NUP62CL: variants seen among roughly 807,000 people sequenced by gnomAD.
The protein encoded by NUP62CL is nucleoporin-62 C-terminal-like protein.
NUP62CL carries 13 observed loss-of-function variants against 15.3 expected under a neutral mutation model. The ratio of observed to expected loss-of-function variants is 0.85; its 90% CI spans 0.55 to 1.35. The LOEUF is 1.35. Among genes scored for constraint, NUP62CL ranks in the 40% most tolerant of loss-of-function variants. The probability of loss-of-function intolerance (pLI) is 0.00; values close to 1 mark genes in which losing one functional copy is unlikely to be tolerated. For synonymous variants in NUP62CL, 54 were observed against 49.2 expected (o/e 1.10, Z -0.41); for missense variants, 123 against 130.6 (o/e 0.94, Z 0.28).
intron 1 of NUP62CL, among the ~76,000 whole-genome samples, chrX:107,201,913 G>A (rs1927496058): frequency 9.0e-6 from 1 of 111,030 alleles, no homozygotes; most frequent in Admixed American, 9.6e-5. Context: ...ACTCCAGCCT[G>A]GGCAGCAGAG....
At chrX:107,167,625 A>T (rs745957676) in intron 4 of NUP62CL, 24 bp downstream of exon 4, 2 of 1,069,208 alleles carry the variant, frequency 1.9e-6, no homozygotes, top group South Asian at 4.3e-5. Context: ...AAACACATGC[A>T]AGTTTTTAAA....
chrX:107,180,201 G>A (rs1926883494), intron 2 of NUP62CL, among the ~76,000 whole-genome samples: 1 of 111,933 alleles, frequency 8.9e-6, no homozygotes, highest in Non-Finnish European at 1.9e-5. Context: ...TCCAAATGGG[G>A]GGATAAATTG....
intron 2 of NUP62CL, among the ~76,000 whole-genome samples, chrX:107,187,811 T>C (rs1927105643): frequency 8.9e-6 from 1 of 112,613 alleles, no homozygotes; most frequent in South Asian, 3.7e-4. Context: ...TATCATGACA[T>C]ACCTAGCAGA....
chrX:107,141,500 G>A (rs979751296), intron 8 of NUP62CL, among the ~76,000 whole-genome samples: 8 of 111,680 alleles, frequency 7.2e-5, no homozygotes, highest in African/African-American at 2.0e-4. Flanking sequence ...GCAGAACAAG[G>A]GCATTCACTT....
intron 2 of NUP62CL, among the ~76,000 whole-genome samples, chrX:107,178,314 T>G (rs151170437): frequency 0.051 from 5,695 of 111,646 alleles, 197 homozygotes; most frequent in Non-Finnish European, 0.085. Flanking sequence ...TTTAAATGGC[T>G]GTACAGTATG....
intron 2 of NUP62CL, among the ~76,000 whole-genome samples, chrX:107,187,559 G>A (rs748035956): frequency 8.1e-5 from 9 of 111,532 alleles, no homozygotes; most frequent in East Asian, 2.8e-4. Context: ...CACCATGCCC[G>A]GCTGACTGTT....
chrX:107,186,473 C>T (rs1024777090), intron 2 of NUP62CL, among the ~76,000 whole-genome samples: 1 of 111,497 alleles, frequency 9.0e-6, no homozygotes, highest in African/African-American at 3.3e-5. Context: ...AACTATACTC[C>T]TCATGATGTT....
At chrX:107,152,974 AT>A (rs973895550) in intron 7 of NUP62CL, among the ~76,000 whole-genome samples, 197 bp downstream of exon 7, 2 of 112,218 alleles carry the variant, frequency 1.8e-5, no homozygotes, top group African/African-American at 6.5e-5. Flanking sequence ...TGCCAGAATG[AT>A]TTCCTCATTT....
Position 107,162,867 on chromosome X carries a change from G to A in NUP62CL, c.194+4782C>T, listed in dbSNP as rs540099181. 3.8e-4 allele frequency among the ~76,000 whole-genome samples: 42 copies of A among 111,064 alleles called. 1 individual carries two copies. The highest frequency in any genetic ancestry group is 1.0e-3 in the African/African-American group (32 of 30,583). ...CAGGCATTAGATTCTCATCAGGAGC[G>A]CACAACCTAGATCCCTTGCATGTGT... On this transcript the variant is annotated intron_variant, in intron 4 of 8. Coordinates refer to ENST00000372466, the MANE Select transcript of NUP62CL (RefSeq NM_017681.3).
chrX:107,169,809 A>AT lies in NUP62CL; in HGVS notation c.59-2026dup, dbSNP rs372787771. Among the ~76,000 whole-genome samples the AT allele has an allele frequency of 7.8e-4, 81 of 103,547 alleles. No individual in the cohort carries two copies. In the East Asian group the frequency reaches 8.9e-3, roughly 11 times the overall value. The allele number at this position is 103,547 out of a possible 115,157, so 89.9% of individuals were successfully genotyped here. A position where few individuals can be genotyped will look rare whatever the true frequency, so the allele number is the denominator to read the frequency against. On this transcript the variant is annotated intron_variant, in intron 3 of 8. Coordinates refer to ENST00000372466, the MANE Select transcript of NUP62CL (RefSeq NM_017681.3). ...ACTACTGCATTCAAGACAGAAAGAA[A>AT]TTTTTTTTTTAAAAAAATGAGCCCT...
rs770633864 is a variant in NUP62CL at position 107,175,100 on chromosome X, A to G, written c.47T>C (p.Ile16Thr). The G allele has an allele frequency of 8.3e-7, 1 of 1,204,803 alleles. No homozygotes were observed. Among genetic ancestry groups the G allele is most frequent in the Non-Finnish European group, 1.1e-6 (1 of 889,797 alleles). ...ISNSLTSTAA[I>T]GLSFTTSTTT... Reference sequence around the variant, plus strand: ...AATTAGTAACTTACATGAGAGCCCAATAGCAGCAGTGGAGGTCAAAGAATT... The same window carrying G: ...AATTAGTAACTTACATGAGAGCCCAGTAGCAGCAGTGGAGGTCAAAGAATT... Residue 16 changes from isoleucine to threonine, a missense_variant, in exon 3 of 9, where the codon ATT becomes ACT. By Grantham distance (89) the Ile-to-Thr change is moderately conservative (BLOSUM62 -1). Coordinates refer to ENST00000372466, the MANE Select transcript of NUP62CL (RefSeq NM_017681.3).
rs1229096376 is a variant in NUP62CL, at chrX:107,167,800, T to C, written c.59-16A>G. On this transcript the variant is annotated splice_polypyrimidine_tract_variant and intron_variant, in intron 3 of 8. Coordinates refer to ENST00000372466, the MANE Select transcript of NUP62CL (RefSeq NM_017681.3). ...GAAGTTGTAACTGGAAAATAAAGTGTATAATGTTAGTAAGAAATGAGAAAT... is the reference window on the plus strand; with the variant it reads ...GAAGTTGTAACTGGAAAATAAAGTGCATAATGTTAGTAAGAAATGAGAAAT... 3 of 1,177,449 alleles carry C rather than the reference T, an allele frequency of 2.5e-6. No homozygotes were observed. Among genetic ancestry groups the C allele is most frequent in the East Asian group, 3.0e-5 (1 of 33,399 alleles).
At chrX:107,186,499 A>T (rs1313994487) in intron 2 of NUP62CL, among the ~76,000 whole-genome samples, 4 of 111,885 alleles carry the variant, frequency 3.6e-5, no homozygotes, top group Non-Finnish European at 7.5e-5. Flanking sequence ...TTAGATCTCT[A>T]GACTTGTTCA....
intron 8 of NUP62CL, among the ~76,000 whole-genome samples, chrX:107,131,378 G>A (rs1045974389): frequency 1.8e-5 from 2 of 111,509 alleles, no homozygotes; most frequent in Non-Finnish European, 3.8e-5. Flanking sequence ...TGGGAGACCC[G>A]GGAGAATATG....
intron 2 of NUP62CL, among the ~76,000 whole-genome samples, chrX:107,189,882 A>AAAGG (rs1927179812): frequency 2.4e-5 from 1 of 40,905 alleles, no homozygotes; most frequent in Non-Finnish European, 5.0e-5. Flanking sequence ...GAAAGAAAAG[A>AAAGG]AAGAAAGAAA....
intron 8 of NUP62CL, among the ~76,000 whole-genome samples, chrX:107,137,205 CA>C (rs1376727265): frequency 9.0e-6 from 1 of 111,473 alleles, no homozygotes; most frequent in Non-Finnish European, 1.9e-5. Context: ...GTAAAACAAA[CA>C]AACAAACAAA....
At chrX:107,192,933 C>A (rs990314558) in intron 2 of NUP62CL, 96 bp downstream of exon 2, 1 of 111,380 alleles carries the variant, frequency 9.0e-6, no homozygotes, top group African/African-American at 3.3e-5. Context: ...GGGACAACAC[C>A]CTCAAATTTA....
At chrX:107,132,230 A>T (rs1372231349) in intron 8 of NUP62CL, 1 of 1,092,883 alleles carries the variant, frequency 9.2e-7, no homozygotes, top group African/African-American at 1.8e-5. Context: ...ATACCTTCTG[A>T]GAAAGTTCTG....
At chrX:107,132,524 C>T (rs1020542864) in intron 8 of NUP62CL, among the ~76,000 whole-genome samples, 3 of 111,580 alleles carry the variant, frequency 2.7e-5, no homozygotes, top group Non-Finnish European at 3.8e-5. Flanking sequence ...TTTGGGAGGC[C>T]GAGGTGGGAG....
Sources: gnomAD v4.1 joint callset for allele counts (sites outside exome capture counted in the v4.1 genomes callset) on GRCh38, gnomAD v4.1.1 for gene constraint, MANE v1.5 for transcripts, NCBI Gene and HGNC (gene_info 2026-07-23, HGNC 2026-07-21) for gene names.